Variants in ADAM12 observed in about 807,000 individuals in gnomAD.
The protein encoded by ADAM12 is disintegrin and metalloproteinase domain-containing protein 12.
Under a neutral mutation model 106.4 loss-of-function variants are expected in ADAM12, and 70 were observed. That is an observed-to-expected ratio of 0.66 (90% CI 0.54 to 0.80). ADAM12 has a LOEUF of 0.80. ADAM12 is among the 30% of genes least tolerant of loss of function. ADAM12 has a pLI of 0.00. For synonymous variants in ADAM12, 420 were observed against 433.5 expected, an observed-to-expected ratio of 0.97 and a Z score of 0.39; for missense variants, 1,010 against 1,171.9, an observed-to-expected ratio of 0.86 and a Z score of 2.02.
intron 2 of ADAM12, among the ~76,000 whole-genome samples, chr10:126,320,943 T>A (rs901287411): frequency 6.6e-6 from 1 of 152,232 alleles, no homozygotes; most frequent in Non-Finnish European, 1.5e-5. Context: ...TTTTTTAAAA[T>A]AAGTTGTTTA....
rs202075891 is a variant in ADAM12, at chr10:126,093,995, C to T, written c.1135G>A (p.Ala379Thr). The stretch of plus-strand genomic sequence containing the variant: ...AGCAATGGTACTTGCCCGGTGGAAG[C>T]GTTCATGATGCAGCCTCCTTTCTCA... ...AVEKGGCIMN[A>T]STGYPFPMVF... Residue 379 changes from alanine to threonine, a missense_variant, in exon 11 of 23, where the codon GCT (alanine) becomes ACT (threonine). Physicochemically the swap from Ala to Thr is moderately conservative, Grantham distance 58. Around this residue, in one of 3 missense-constraint regions of ADAM12, gnomAD observed 615 missense variants for 708.5 expected, o/e 0.87. Transcript: ENST00000448723. 8.7e-6 allele frequency: 14 copies of T among 1,614,124 alleles called. No individual in the cohort carries two copies. The East Asian group carries it at 1.3e-4, about 15-fold the overall frequency.
chr10:126,340,012 A>G (rs1488582409), intron 1 of ADAM12, among the ~76,000 whole-genome samples: 1 of 151,790 alleles, frequency 6.6e-6, no homozygotes, highest in African/African-American at 2.4e-5. Context: ...ATACCACCAC[A>G]CCTAGTGAAT....
chr10:126,238,885 A>G (rs966299691), intron 3 of ADAM12, among the ~76,000 whole-genome samples: 1 of 152,120 alleles, frequency 6.6e-6, no homozygotes, highest in Non-Finnish European at 1.5e-5. Flanking sequence ...GCTCTGCTAC[A>G]TTTTTCCCTG....
intron 2 of ADAM12, among the ~76,000 whole-genome samples, chr10:126,297,299 T>C (rs1409789876): frequency 6.6e-6 from 1 of 152,138 alleles, no homozygotes; most frequent in South Asian, 2.1e-4. Context: ...TCCCAGCACT[T>C]TGGGAGGCCA....
At chr10:126,098,580 T>G in intron 9 of ADAM12, 80 bp from the exon 10 acceptor site, 1 of 1,204,014 alleles carries the variant, frequency 8.3e-7, no homozygotes, top group Admixed American at 1.8e-5. Flanking sequence ...CTGTTGGATA[T>G]TCCTGCAATA....
intron 1 of ADAM12, among the ~76,000 whole-genome samples, chr10:126,354,326 T>A (rs111850344): frequency 2.0e-5 from 3 of 152,192 alleles, no homozygotes; most frequent in Non-Finnish European, 2.9e-5. Context: ...TTAGTTAGTT[T>A]AACGCAATTG....
At chr10:126,379,916 A>G (rs950837992) in intron 1 of ADAM12, among the ~76,000 whole-genome samples, 1 of 152,204 alleles carries the variant, frequency 6.6e-6, no homozygotes, top group Non-Finnish European at 1.5e-5. Flanking sequence ...CATGCCTGCT[A>G]GGGGAAGACA....
At chr10:126,027,396 T>C (rs1953894079) in intron 21 of ADAM12, among the ~76,000 whole-genome samples, 1 of 150,222 alleles carries the variant, frequency 6.7e-6, no homozygotes, top group South Asian at 2.1e-4. Flanking sequence ...AGCATCCTGG[T>C]ACCAACACCT....
At chr10:126,373,554 T>G (rs1295028727) in intron 1 of ADAM12, among the ~76,000 whole-genome samples, 1 of 152,238 alleles carries the variant, frequency 6.6e-6, no homozygotes, top group African/African-American at 2.4e-5. Context: ...CTAGAGGCCA[T>G]GAAATGAGGG....
chr10:126,069,803 G>C (rs1350012039), intron 12 of ADAM12, among the ~76,000 whole-genome samples: 1 of 152,154 alleles, frequency 6.6e-6, no homozygotes, highest in Non-Finnish European at 1.5e-5. Context: ...GTGATATGGT[G>C]ATGATGGTCA....
At chr10:126,188,394 A>G (rs775853853) in intron 3 of ADAM12, among the ~76,000 whole-genome samples, 61 of 152,338 alleles carry the variant, frequency 4.0e-4, no homozygotes, top group Non-Finnish European at 7.2e-4. Context: ...TTGCCCACAC[A>G]TAAAACGTGC....
At chr10:126,366,340 C>G (rs1332801443) in intron 1 of ADAM12, among the ~76,000 whole-genome samples, 1 of 152,040 alleles carries the variant, frequency 6.6e-6, no homozygotes, top group Non-Finnish European at 1.5e-5. Flanking sequence ...TTCCATGCAG[C>G]CTTTTAGGAT....
In ADAM12 at chr10:126,125,253, T is replaced by TC. The variant is rs1050463733; in HGVS notation, c.417-7030_417-7029insG. Among the ~76,000 whole-genome samples the TC allele has an allele frequency of 7.4e-5, 11 of 149,304 alleles. 1 individual carries two copies. Among genetic ancestry groups the TC allele is most frequent in the East Asian group, 1.9e-4 (1 of 5,152 alleles). ...CTTTTTTTTTTCTTTTCTTTTCTTT[T>TC]TTTTTTTTTTGAAACGGAGTCTCGC... On this transcript the variant is annotated intron_variant, in intron 5 of 22. Transcript: ENST00000448723.
chr10:126,036,466 G>T, intron 20 of ADAM12, 141 bp from the exon 21 acceptor site: 2 of 747,580 alleles, frequency 2.7e-6, no homozygotes, highest in Non-Finnish European at 4.0e-6. Flanking sequence ...ATGTACACAA[G>T]AGGGGAATTA....
intron 21 of ADAM12, among the ~76,000 whole-genome samples, chr10:126,023,908 G>GAAAA (rs5788761): frequency 7.8e-5 from 11 of 140,782 alleles, no homozygotes; most frequent in African/African-American, 2.9e-4. Flanking sequence ...TGAACTCATG[G>GAAAA]AAAAAAAAAA....
intron 3 of ADAM12, among the ~76,000 whole-genome samples, chr10:126,274,411 G>A (rs138888170): frequency 1.3e-5 from 2 of 152,276 alleles, no homozygotes; most frequent in Non-Finnish European, 2.9e-5. Context: ...TCAGGGGCTT[G>A]AGTATGCAGG....
At chr10:126,219,997 A>C (rs1433805868) in intron 3 of ADAM12, among the ~76,000 whole-genome samples, 2 of 152,198 alleles carry the variant, frequency 1.3e-5, no homozygotes, top group South Asian at 4.1e-4. Flanking sequence ...TGGATTTTGC[A>C]GTGGTCATAA....
intron 3 of ADAM12, among the ~76,000 whole-genome samples, chr10:126,182,251 T>C (rs1206385572): frequency 6.6e-6 from 1 of 152,182 alleles, no homozygotes; most frequent in African/African-American, 2.4e-5. Context: ...AAGTCTGATG[T>C]TGAGGGCCAG....
At chr10:126,282,495 A>G (rs1295608611) in intron 2 of ADAM12, among the ~76,000 whole-genome samples, 2 of 152,140 alleles carry the variant, frequency 1.3e-5, no homozygotes, top group African/African-American at 2.4e-5. Context: ...TTTTGTTTCT[A>G]GTGTACATAT....
Sources: gnomAD v4.1 joint callset for allele counts (sites outside exome capture counted in the v4.1 genomes callset) on GRCh38, gnomAD v4.1.1 for gene constraint, gnomAD v4.1.1 regional missense constraint, MANE v1.5 for transcripts, NCBI Gene and HGNC (gene_info 2026-07-23, HGNC 2026-07-21) for gene names.